FRS2: variants seen among roughly 807,000 people sequenced by gnomAD.
The protein encoded by FRS2 is FGFR signalling adaptor.
Under a neutral mutation model 43.9 loss-of-function variants are expected in FRS2, and 8 were observed. That is an observed-to-expected ratio of 0.18 (90% CI 0.11 to 0.33). FRS2 has a LOEUF of 0.33. Ranked by LOEUF, FRS2 falls within the 10% of genes least tolerant of loss-of-function variation. FRS2 has a pLI of 1.00. For missense variants in FRS2, 534 were observed against 627.6 expected (o/e 0.85, Z 1.59); for synonymous variants, 219 against 220.3 (o/e 0.99, Z 0.05).
intron 1 of FRS2, among the ~76,000 whole-genome samples, chr12:69,498,553 T>TGTGTGTGTGTGTGTGTGTGTGTGTGTG (rs1873130072): frequency 1.6e-5 from 1 of 61,542 alleles, no homozygotes; most frequent in Non-Finnish European, 3.2e-5. Flanking sequence ...GTGTGTGTGT[T>TGTGTGTGTGTGTGTGTGTGTGTGTGTG]TGGTTTTTTG....
At chr12:69,519,733 A>G (rs59372964) in intron 1 of FRS2, among the ~76,000 whole-genome samples, 2 of 152,226 alleles carry the variant, frequency 1.3e-5, no homozygotes, top group Non-Finnish European at 2.9e-5. Context: ...TGCAAAGGAC[A>G]TGATCTTGTT....
intron 1 of FRS2, chr12:69,491,602 G>A (rs1421441557): frequency 7.0e-6 from 1 of 142,856 alleles, no homozygotes; most frequent in Non-Finnish European, 1.5e-5. Flanking sequence ...CTGGGCTCAA[G>A]CGATCATTCT....
chr12:69,493,566 C>G (rs1872640589), intron 1 of FRS2, among the ~76,000 whole-genome samples: 1 of 152,116 alleles, frequency 6.6e-6, no homozygotes, highest in African/African-American at 2.4e-5. Flanking sequence ...ACTAAAAATA[C>G]AAAAATTAGC....
At chr12:69,543,711 T>C (rs945603936) in intron 3 of FRS2, among the ~76,000 whole-genome samples, 1 of 152,184 alleles carries the variant, frequency 6.6e-6, no homozygotes. Context: ...CAAGCTATGC[T>C]GATACCAGAT....
intron 1 of FRS2, chr12:69,491,619 G>GC (rs1872505176): frequency 6.9e-6 from 1 of 145,134 alleles, no homozygotes; most frequent in Non-Finnish European, 1.5e-5. Flanking sequence ...TTCTGACTCA[G>GC]CCTCCCAAGT....
chr12:69,539,848 G>T (rs1046326158), intron 3 of FRS2, among the ~76,000 whole-genome samples: 1 of 152,206 alleles, frequency 6.6e-6, no homozygotes, highest in East Asian at 1.9e-4. Flanking sequence ...CCAGCTACTC[G>T]GGAGGCTCAG....
At chr12:69,568,889 G>A (rs1055984876) in intron 4 of FRS2, 116 bp from the exon 5 acceptor site, 2 of 504,988 alleles carry the variant, frequency 4.0e-6, no homozygotes, top group African/African-American at 2.0e-5. Flanking sequence ...TACCTTGTTG[G>A]ACTTAATTTT....
intron 1 of FRS2, among the ~76,000 whole-genome samples, chr12:69,471,263 A>G (rs1870262215): frequency 6.6e-6 from 1 of 151,568 alleles, no homozygotes; most frequent in Admixed American, 6.6e-5. Flanking sequence ...TTGCAGACAT[A>G]CTAAAAAAAA....
chr12:69,559,168 A>G (rs1879674842), intron 3 of FRS2, among the ~76,000 whole-genome samples: 1 of 152,212 alleles, frequency 6.6e-6, no homozygotes. Flanking sequence ...TTAATATTTT[A>G]GATTTATCCA....
intron 1 of FRS2, among the ~76,000 whole-genome samples, chr12:69,499,620 A>G (rs1281086846): frequency 6.6e-6 from 1 of 152,188 alleles, no homozygotes; most frequent in Admixed American, 6.5e-5. Context: ...AACATTCTAA[A>G]ATAAGATGAT....
chr12:69,532,906 A>G (rs1327904087), intron 3 of FRS2, among the ~76,000 whole-genome samples: 1 of 152,224 alleles, frequency 6.6e-6, no homozygotes, highest in Admixed American at 6.5e-5. Flanking sequence ...ACATCAGGTA[A>G]CATAGTTCCT....
At chr12:69,473,396 G>A (rs1485633435) in intron 1 of FRS2, among the ~76,000 whole-genome samples, 1 of 152,210 alleles carries the variant, frequency 6.6e-6, no homozygotes, top group Non-Finnish European at 1.5e-5. Context: ...AAGATTTATG[G>A]ATTGGGAGTA....
chr12:69,534,439 A>C (rs1368765192), intron 3 of FRS2, among the ~76,000 whole-genome samples: 1 of 152,242 alleles, frequency 6.6e-6, no homozygotes, highest in Non-Finnish European at 1.5e-5. Flanking sequence ...GTGCTGATCA[A>C]GTTAAATCAA....
intron 1 of FRS2, among the ~76,000 whole-genome samples, chr12:69,513,300 C>T (rs1874650816): frequency 6.6e-6 from 1 of 151,516 alleles, no homozygotes; most frequent in African/African-American, 2.4e-5. Flanking sequence ...CAACAATCAC[C>T]TTTTTAAAAA....
intron 1 of FRS2, among the ~76,000 whole-genome samples, chr12:69,486,924 A>G (rs1449950137): frequency 6.6e-6 from 1 of 152,252 alleles, no homozygotes; most frequent in Non-Finnish European, 1.5e-5. Context: ...AGGTTGGTTC[A>G]TGAGGTTTAA....
chr12:69,566,014 A>C lies in FRS2; in HGVS notation c.-26-2991A>C, dbSNP rs1880266021. Among the ~76,000 whole-genome samples the C allele has an allele frequency of 2.0e-5, 3 of 152,058 alleles. No homozygotes were observed. In the South Asian group the frequency reaches 6.2e-4, roughly 32 times the overall value. On this transcript the variant is annotated intron_variant, in intron 4 of 8. Coordinates refer to ENST00000549921, the MANE Select transcript of FRS2 (RefSeq NM_001278356.2). ...TTTATACCAGCATTATCTCAAACAC[A>C]TGAATAATGTGTTGCACTGTGATGC...
At chr12:69,545,777 AAC>A (rs1298701135) in intron 3 of FRS2, among the ~76,000 whole-genome samples, 88 of 139,878 alleles carry the variant, frequency 6.3e-4, no homozygotes, top group South Asian at 2.4e-3. Flanking sequence ...AAAAAAAAAA[AAC>A]AAAAACAAAA....
chr12:69,502,896 C>T (rs762087648), intron 1 of FRS2, among the ~76,000 whole-genome samples: 1 of 152,164 alleles, frequency 6.6e-6, no homozygotes, highest in Non-Finnish European at 1.5e-5. Context: ...GCATCAGCAG[C>T]AGCTGCCGCC....
chr12:69,543,930 C>G (rs887955069), intron 3 of FRS2, among the ~76,000 whole-genome samples: 2 of 151,902 alleles, frequency 1.3e-5, no homozygotes, highest in African/African-American at 4.8e-5. Flanking sequence ...ATTGAAAAAT[C>G]CTTAATTTTT....
Sources: allele counts gnomAD v4.1 joint callset (sites outside exome capture counted in the v4.1 genomes callset), GRCh38; gene constraint gnomAD v4.1.1; transcripts MANE v1.5; gene names NCBI Gene and HGNC (gene_info 2026-07-23, HGNC 2026-07-21).